Variants in ABCB11 observed in about 807,000 individuals in gnomAD.
ABCB11 encodes bile salt export pump.
In ABCB11, 95 loss-of-function variants were observed where a neutral mutation model predicts 148.0. The ratio of observed to expected loss-of-function variants is 0.64; its 90% CI spans 0.54 to 0.76. ABCB11 has a LOEUF of 0.76. ABCB11 is among the 30% of genes least tolerant of loss of function. The probability of loss-of-function intolerance (pLI) is 0.00; values close to 1 mark genes in which losing one functional copy is unlikely to be tolerated. For synonymous variants in ABCB11, 591 were observed against 555.4 expected (o/e 1.06, Z -0.90); for missense variants, 1,523 against 1,617.8 (o/e 0.94, Z 1.01).
At chr2:169,025,276 C>T (rs1573993408) in intron 1 of ABCB11, among the ~76,000 whole-genome samples, 1 of 152,152 alleles carries the variant, frequency 6.6e-6, no homozygotes, top group East Asian at 1.9e-4. Context: ...GATCCTGATA[C>T]ACCTGTTGCT....
At chr2:168,945,753 C>T (rs192344234) in intron 19 of ABCB11, among the ~76,000 whole-genome samples, 118 of 151,862 alleles carry the variant, frequency 7.8e-4, no homozygotes, top group Middle Eastern at 3.4e-3. Context: ...ATATCTTTCT[C>T]TATTACTAAA....
At chr2:168,994,022 T>C (rs550515096) in intron 7 of ABCB11, 140 bp from the exon 8 acceptor site, 1 of 703,788 alleles carries the variant, frequency 1.4e-6, no homozygotes, top group African/African-American at 1.9e-5. Flanking sequence ...GCCTCTCAGA[T>C]CTTGGAAAAT....
In ABCB11 at chr2:168,979,769, T is replaced by A. The variant is rs1343895828; in HGVS notation, c.1197+97A>T. The A allele has an allele frequency of 4.9e-6, 3 of 608,480 alleles. No homozygotes were observed. In the Admixed American group the frequency reaches 9.6e-5, roughly 19 times the overall value. 37.7% of individuals were successfully genotyped at this position (608,480 alleles called of 1,614,324 possible). Reference sequence around the variant, plus strand: ...TTAAGGGCCTTGCGATAGCTTCTTATATTTTTAACTTTAAGGTAAATTCTT... The same window carrying A: ...TTAAGGGCCTTGCGATAGCTTCTTAAATTTTTAACTTTAAGGTAAATTCTT... On this transcript the variant is annotated intron_variant, in intron 11 of 27. Transcript: ENST00000650372.
At chr2:168,988,628 C>T (rs72888638) in intron 9 of ABCB11, among the ~76,000 whole-genome samples, 3 of 152,158 alleles carry the variant, frequency 2.0e-5, no homozygotes, top group Non-Finnish European at 4.4e-5. Flanking sequence ...TGGATATATA[C>T]CCAGTAGTGG....
At chr2:169,022,171 A>G (rs970443856) in intron 1 of ABCB11, among the ~76,000 whole-genome samples, 1 of 151,974 alleles carries the variant, frequency 6.6e-6, no homozygotes, top group Non-Finnish European at 1.5e-5. Flanking sequence ...AGATAAATGC[A>G]TTTTGCTTTT....
At chr2:168,962,868 A>G (rs2105944100) in intron 18 of ABCB11, among the ~76,000 whole-genome samples, 1 of 151,834 alleles carries the variant, frequency 6.6e-6, no homozygotes, top group Admixed American at 6.6e-5. Flanking sequence ...GTTTTCTCTC[A>G]CTGTGATTCA....
chr2:168,924,435 A>AT (rs1691214069), intron 27 of ABCB11, among the ~76,000 whole-genome samples: 1 of 152,232 alleles, frequency 6.6e-6, no homozygotes, highest in Admixed American at 6.5e-5. Context: ...AGCCTAAAGA[A>AT]TCTTAAAAAC....
intron 3 of ABCB11, among the ~76,000 whole-genome samples, chr2:169,014,603 A>C (rs1035793166): frequency 6.6e-6 from 1 of 152,160 alleles, no homozygotes; most frequent in African/African-American, 2.4e-5. Context: ...AGAGGTATGG[A>C]GAGAAAGTAA....
chr2:168,978,664 T>A (rs953180923), intron 11 of ABCB11, among the ~76,000 whole-genome samples: 1 of 152,022 alleles, frequency 6.6e-6, no homozygotes, highest in Non-Finnish European at 1.5e-5. Flanking sequence ...GGGCATTTTT[T>A]TTTTTTAAAG....
chr2:168,993,045 A>G (rs1007591756), intron 8 of ABCB11, among the ~76,000 whole-genome samples: 4 of 151,816 alleles, frequency 2.6e-5, no homozygotes, highest in Non-Finnish European at 4.4e-5. Flanking sequence ...TCCTATTCCT[A>G]TATGTTGTCC....
intron 23 of ABCB11, among the ~76,000 whole-genome samples, chr2:168,933,033 T>G (rs1419343257): frequency 6.9e-6 from 1 of 145,570 alleles, no homozygotes; most frequent in Non-Finnish European, 1.5e-5. Context: ...GGTATGAACC[T>G]GGGAGGCAGA....
chr2:168,992,061 G>C (rs529424182), intron 8 of ABCB11, among the ~76,000 whole-genome samples: 1 of 145,678 alleles, frequency 6.9e-6, no homozygotes, highest in Admixed American at 7.0e-5. Context: ...GTGTTACCAA[G>C]ACTGGAAGCT....
chr2:168,971,356 T>C (rs557652756), intron 14 of ABCB11, among the ~76,000 whole-genome samples: 3 of 152,166 alleles, frequency 2.0e-5, no homozygotes, highest in South Asian at 2.1e-4. Context: ...TGAAGTATAA[T>C]GCTGAGGAGT....
intron 19 of ABCB11, among the ~76,000 whole-genome samples, chr2:168,948,981 A>T (rs1474593110): frequency 6.6e-6 from 1 of 151,622 alleles, no homozygotes; most frequent in Non-Finnish European, 1.5e-5. Flanking sequence ...GGGAACTAAA[A>T]TGTAAGCTTT....
intron 19 of ABCB11, among the ~76,000 whole-genome samples, chr2:168,950,931 T>C (rs1692533051): frequency 6.6e-6 from 1 of 151,658 alleles, no homozygotes; most frequent in South Asian, 2.1e-4. Flanking sequence ...AGGTGTTCTA[T>C]CTATCTTGTG....
At chr2:168,936,755 G>A (rs1399622923) in intron 21 of ABCB11, among the ~76,000 whole-genome samples, 1 of 151,946 alleles carries the variant, frequency 6.6e-6, no homozygotes, top group Non-Finnish European at 1.5e-5. Context: ...GCCTACCCTA[G>A]GTATCTCTAG....
Position 168,957,991 on chromosome 2 carries a change from A to C in ABCB11, c.2316T>G (p.Tyr772Ter), listed in dbSNP as rs1371940395. 1 of 1,599,880 alleles carries C rather than the reference A, an allele frequency of 6.3e-7. No individual in the cohort carries two copies. The highest frequency in any genetic ancestry group is 8.6e-7 in the Non-Finnish European group (1 of 1,169,454). ...CAAGAATCTGGCTGAATAAAAAGGC[A>C]TACAAGGGTGTGACTGTCCCGTTCA... Reference protein sequence around the residue: ...AAVNGTVTPLYAFLFSQILGT... With the variant: ...AAVNGTVTPL Residue 772 changes from tyrosine (Y) to a stop codon, truncating the protein, a stop_gained, in exon 19 of 28, where the codon TAT (tyrosine) becomes TAG (stop). Coordinates refer to ENST00000650372, the MANE Select transcript of ABCB11 (RefSeq NM_003742.4). LOFTEE classifies it high-confidence loss of function.
intron 5 of ABCB11, among the ~76,000 whole-genome samples, chr2:169,007,810 C>T (rs746743258): frequency 2.6e-5 from 4 of 152,150 alleles, no homozygotes; most frequent in Non-Finnish European, 4.4e-5. Flanking sequence ...CACTTCAGTG[C>T]TTCAAAGATA....
In ABCB11 at chr2:168,927,213, T is replaced by C. The variant is rs1318564461; in HGVS notation, c.3561A>G (p.Arg1187=). The C allele has an allele frequency of 6.2e-7, 1 of 1,613,816 alleles. No individual in the cohort carries two copies. Among genetic ancestry groups the C allele is most frequent in the Non-Finnish European group, 8.5e-7 (1 of 1,179,830 alleles). The part of the protein sequence containing the change: ...GDNTKEIPME[R]VIAAAKQAQL... ...GAGCCTGTTTTGCAGCTGCTATGAC[T>C]CTTTCCATGGGAATTTCTTTGGTGT... is the stretch of plus-strand genomic sequence containing the variant. The change falls in exon 26 of 28, where the codon AGA becomes AGG. Residue 1187 remains arginine, a synonymous_variant. Transcript: ENST00000650372.
Sources: gnomAD v4.1 joint callset for allele counts (sites outside exome capture counted in the v4.1 genomes callset) on GRCh38, gnomAD v4.1.1 for gene constraint, MANE v1.5 for transcripts, NCBI Gene and HGNC (gene_info 2026-07-23, HGNC 2026-07-21) for gene names.